MCC: variants seen among roughly 807,000 people sequenced by gnomAD.
MCC encodes MCC regulator of Wnt signaling pathway, also known as colorectal mutant cancer protein.
In MCC, 90 loss-of-function variants were observed where a neutral mutation model predicts 116.2. That is an observed-to-expected ratio of 0.77 (90% CI 0.65 to 0.92). The LOEUF is 0.92. Ranked by LOEUF, MCC falls within the 40% of genes least tolerant of loss-of-function variation. The pLI is 0.00. For missense variants in MCC, 1,516 were observed against 1,312.2 expected (o/e 1.16, Z -2.40); for synonymous variants, 578 against 510.5 (o/e 1.13, Z -1.78).
Position 113,126,911 on chromosome 5 carries a change from G to A in MCC, c.885-4085C>T, listed in dbSNP as rs548398636. On this transcript the variant is annotated intron_variant, in intron 5 of 18. Coordinates refer to ENST00000408903, the MANE Select transcript of MCC (RefSeq NM_001085377.2). ...TTATTTTAGGTTCATGAGTACATGTGAGGGTTTGTTACGCAGGTAAACTCG... is the reference window on the plus strand; with the variant it reads ...TTATTTTAGGTTCATGAGTACATGTAAGGGTTTGTTACGCAGGTAAACTCG... 2.0e-5 allele frequency among the ~76,000 whole-genome samples: 3 copies of A among 152,240 alleles called. 1 individual carries two copies. The South Asian group carries it at 6.2e-4, about 32-fold the overall frequency.
Position 113,022,488 on chromosome 5 carries a change from C to A in MCC, c.*4814G>T, listed in dbSNP as rs1242620884. On this transcript the variant is annotated 3_prime_UTR_variant, in exon 19 of 19. Transcript: ENST00000408903. ...CAAATCTCATGCAAAGTAAATAAAT[C>A]TTGATGTCTAAAAACTGATTAGAAC... The A allele has an allele frequency of 2.0e-5, 3 of 152,544 alleles. No individual in the cohort carries two copies. Among genetic ancestry groups the A allele is most frequent in the Non-Finnish European group, 4.4e-5 (3 of 68,022 alleles). The allele number at this position is 152,544 out of a possible 1,614,324, so 9.4% of individuals were successfully genotyped here.
intron 3 of MCC, among the ~76,000 whole-genome samples, chr5:113,255,652 A>G (rs996762694): frequency 6.6e-6 from 1 of 152,178 alleles, no homozygotes; most frequent in Non-Finnish European, 1.5e-5. Context: ...TCAAAGACCA[A>G]ATCTTTTACC....
chr5:113,231,143 G>T (rs1172127683), intron 3 of MCC, among the ~76,000 whole-genome samples: 1 of 152,178 alleles, frequency 6.6e-6, no homozygotes, highest in Non-Finnish European at 1.5e-5. Context: ...TCACTGGTGA[G>T]AAATGCAGAG....
At chr5:113,085,405 G>C in intron 8 of MCC, 95 bp from the exon 9 acceptor site, 2 of 1,242,724 alleles carry the variant, frequency 1.6e-6, no homozygotes, top group Non-Finnish European at 1.1e-6. Context: ...CATTTACATT[G>C]AGGGATCAGC....
chr5:113,273,620 T>A (rs1044480498), intron 3 of MCC, among the ~76,000 whole-genome samples: 7 of 152,158 alleles, frequency 4.6e-5, no homozygotes, highest in Non-Finnish European at 7.4e-5. Context: ...TAGATGTGTG[T>A]GTGTAGAGAC....
chr5:113,368,806 G>C (rs558047816), intron 2 of MCC, among the ~76,000 whole-genome samples: 2 of 152,246 alleles, frequency 1.3e-5, no homozygotes, highest in East Asian at 3.9e-4. Context: ...AGCTCCCACA[G>C]GCTGAGGGTT....
At chr5:113,389,263 T>A (rs980316425) in intron 1 of MCC, among the ~76,000 whole-genome samples, 5 of 152,154 alleles carry the variant, frequency 3.3e-5, no homozygotes, top group Non-Finnish European at 7.4e-5. Context: ...TGACGTACAG[T>A]CCCCTGTGAC....
At chr5:113,236,664 A>G (rs1200853135) in intron 3 of MCC, among the ~76,000 whole-genome samples, 1 of 152,206 alleles carries the variant, frequency 6.6e-6, no homozygotes. Context: ...TAATATTACA[A>G]TTTCCAAGTG....
At chr5:113,388,659 C>G (rs1769330719) in intron 1 of MCC, among the ~76,000 whole-genome samples, 1 of 152,178 alleles carries the variant, frequency 6.6e-6, no homozygotes, top group Admixed American at 6.5e-5. Flanking sequence ...GTCCTGAGGC[C>G]TTCACCAGAA....
intron 17 of MCC, among the ~76,000 whole-genome samples, chr5:113,029,554 TA>T (rs1561731033): frequency 6.6e-6 from 1 of 152,128 alleles, no homozygotes; most frequent in African/African-American, 2.4e-5. Context: ...AGGGAGTAGA[TA>T]TGATACTCTC....
chr5:113,030,709 G>A (rs1750895236), intron 17 of MCC, among the ~76,000 whole-genome samples: 1 of 152,128 alleles, frequency 6.6e-6, no homozygotes, highest in South Asian at 2.1e-4. Context: ...GCCATGCACT[G>A]GCATGGGAGG....
At chr5:113,062,391 C>G (rs545449969) in intron 14 of MCC, among the ~76,000 whole-genome samples, 1 of 152,214 alleles carries the variant, frequency 6.6e-6, no homozygotes, top group South Asian at 2.1e-4. Flanking sequence ...CTGACTGGTT[C>G]TAAATTTGTC....
At chr5:113,112,159 T>C (rs1456404302) in intron 6 of MCC, among the ~76,000 whole-genome samples, 1 of 152,184 alleles carries the variant, frequency 6.6e-6, no homozygotes, top group Non-Finnish European at 1.5e-5. Context: ...TTCCTGGGGA[T>C]CGGTACTTGC....
rs776000833 is a variant in MCC, at chr5:113,385,163, C to T, written c.220G>A (p.Ala74Thr). Residue 74 changes from alanine (A) to threonine (T), a missense_variant, in exon 2 of 19, where the codon GCT (alanine) becomes ACT (threonine). Transcript: ENST00000408903. ...CRQLNMEESVAEIMNQLGADE... is the reference protein window; with the variant it reads ...CRQLNMEESVTEIMNQLGADE... ...GCTCCCAACTGGTTCATGATCTCAG[C>T]CACAGACTCTTCCATATTCAGCTGG... is the stretch of plus-strand genomic sequence containing the variant. The T allele has an allele frequency of 1.9e-5, 30 of 1,614,020 alleles. No homozygotes were observed. The highest frequency in any genetic ancestry group is 1.7e-4 in the Admixed American group (10 of 59,998).
intron 1 of MCC, among the ~76,000 whole-genome samples, chr5:113,483,615 A>T (rs760660303): frequency 6.6e-6 from 1 of 152,198 alleles, no homozygotes; most frequent in Non-Finnish European, 1.5e-5. Flanking sequence ...AAGAAAAAAT[A>T]TCTTTAATAA....
intron 6 of MCC, among the ~76,000 whole-genome samples, chr5:113,115,247 T>G (rs1581093606): frequency 6.6e-6 from 1 of 152,036 alleles, no homozygotes. Context: ...GAGGCACCCC[T>G]GTCACGAGGC....
Position 113,343,697 on chromosome 5 carries a change from T to C in MCC, c.416-2967A>G, listed in dbSNP as rs1408489934. Among the ~76,000 whole-genome samples the C allele has an allele frequency of 2.6e-5, 4 of 152,364 alleles. No individual in the cohort carries two copies. In the South Asian group the frequency reaches 8.3e-4, roughly 32 times the overall value. ...ATAGATAGCATTTAATAAACATTTA[T>C]TGAATGGATTGCTGAATTATCCATG... On this transcript the variant is annotated intron_variant, in intron 2 of 18. Transcript: ENST00000408903.
At chr5:113,356,122 G>A (rs1253304492) in intron 2 of MCC, among the ~76,000 whole-genome samples, 1 of 150,044 alleles carries the variant, frequency 6.7e-6, no homozygotes, top group Non-Finnish European at 1.5e-5. Context: ...GAATGCAGTG[G>A]TACAATCATA....
intron 4 of MCC, among the ~76,000 whole-genome samples, chr5:113,144,081 T>G (rs1759347651): frequency 6.6e-6 from 1 of 151,970 alleles, no homozygotes; most frequent in Non-Finnish European, 1.5e-5. Flanking sequence ...GATCTAGGAG[T>G]GTTATGGAAT....
Sources: gnomAD v4.1 joint callset for allele counts (sites outside exome capture counted in the v4.1 genomes callset) on GRCh38, gnomAD v4.1.1 for gene constraint, MANE v1.5 for transcripts, NCBI Gene and HGNC (gene_info 2026-07-23, HGNC 2026-07-21) for gene names.